CTNNA2: variants seen among roughly 807,000 people sequenced by gnomAD.
The protein encoded by CTNNA2 is catenin alpha 2, also known as catenin alpha-2.
A neutral mutation model predicts 101.0 loss-of-function variants in CTNNA2; 42 were observed. That is an observed-to-expected ratio of 0.42 (90% CI 0.32 to 0.54). The LOEUF is 0.54. Among genes scored for constraint, CTNNA2 ranks in the 20% least tolerant of loss-of-function variants. The pLI, the probability that CTNNA2 is intolerant of heterozygous loss-of-function variation, is 0.14. For missense variants in CTNNA2, 871 were observed against 1,223.1 expected (o/e 0.71, Z 4.29); for synonymous variants, 450 against 456.4 (o/e 0.99, Z 0.18).
chr2:79,658,206 G>C (rs543388033), intron 2 of CTNNA2, among the ~76,000 whole-genome samples: 15 of 151,996 alleles, frequency 9.9e-5, no homozygotes, highest in African/African-American at 3.1e-4. Context: ...TGGATGCATA[G>C]GCTTTAGAGT....
At chr2:79,805,366 A>G (rs942064947) in intron 3 of CTNNA2, among the ~76,000 whole-genome samples, 3 of 152,178 alleles carry the variant, frequency 2.0e-5, no homozygotes, top group Non-Finnish European at 4.4e-5. Context: ...TTTATACAAT[A>G]TTTTAAAATA....
chr2:80,253,459 G>A (rs115602297), intron 7 of CTNNA2, among the ~76,000 whole-genome samples: 1,622 of 152,082 alleles, frequency 0.011, 27 homozygotes, highest in African/African-American at 0.035. Context: ...GTGGAGCCTC[G>A]ACTCTCTAGT....
chr2:80,361,584 CA>C (rs1274714831), intron 7 of CTNNA2, among the ~76,000 whole-genome samples: 1 of 151,698 alleles, frequency 6.6e-6, no homozygotes, highest in African/African-American at 2.4e-5. Flanking sequence ...TACCAGTTCC[CA>C]AAAAAAGGAC....
chr2:79,619,041 C>T lies in CTNNA2; in HGVS notation c.-5-32511C>T, dbSNP rs151092382. Among the ~76,000 whole-genome samples, 682 of 152,050 alleles carry T rather than the reference C, an allele frequency of 4.5e-3. 3 individuals are homozygous for T. The highest frequency in any genetic ancestry group is 0.015 in the African/African-American group (637 of 41,482). ...GCCAATATGGTGAAACCCAGTCTCT[C>T]CAAAAAATACGAAAATTAGCTGGGC... On this transcript the variant is annotated intron_variant, in intron 1 of 18. Transcript: ENST00000402739.
intron 7 of CTNNA2, among the ~76,000 whole-genome samples, chr2:80,234,368 A>G (rs190767548): frequency 1.3e-4 from 20 of 152,222 alleles, no homozygotes; most frequent in African/African-American, 4.8e-4. Flanking sequence ...GTTAGAAGGT[A>G]TTAATCTTCG....
chr2:79,581,278 C>A (rs530919084), intron 1 of CTNNA2, among the ~76,000 whole-genome samples: 7 of 152,294 alleles, frequency 4.6e-5, no homozygotes, highest in African/African-American at 1.7e-4. Flanking sequence ...TTAATCCCAG[C>A]ACTTTGGGAG....
intron 7 of CTNNA2, among the ~76,000 whole-genome samples, chr2:80,182,512 A>G (rs1705846805): frequency 6.6e-6 from 1 of 152,234 alleles, no homozygotes; most frequent in South Asian, 2.1e-4. Context: ...GACACTCAAC[A>G]TTAATCATCA....
intron 11 of CTNNA2, among the ~76,000 whole-genome samples, chr2:80,548,897 A>C (rs1382142881): frequency 6.6e-6 from 1 of 152,214 alleles, no homozygotes; most frequent in Non-Finnish European, 1.5e-5. Flanking sequence ...TATTTTATGT[A>C]TCAGTTTCTT....
At chr2:79,954,793 G>T (rs1327492029) in intron 7 of CTNNA2, among the ~76,000 whole-genome samples, 2 of 152,116 alleles carry the variant, frequency 1.3e-5, no homozygotes, top group African/African-American at 4.8e-5. Context: ...ATTTTGATTA[G>T]ACCTGTGGGT....
intron 2 of CTNNA2, among the ~76,000 whole-genome samples, chr2:79,726,778 T>C (rs1249634447): frequency 6.6e-6 from 1 of 152,248 alleles, no homozygotes; most frequent in African/African-American, 2.4e-5. Context: ...GGTAGAGAGA[T>C]TCTATCTGCC....
At chr2:79,424,037 G>T (rs549217769) in intron 4 of CTNNA2, among the ~76,000 whole-genome samples, 1 of 152,050 alleles carries the variant, frequency 6.6e-6, no homozygotes, top group Admixed American at 6.6e-5. Flanking sequence ...ATAATAAGTT[G>T]TTTCTCTAGC....
intron 4 of CTNNA2, among the ~76,000 whole-genome samples, chr2:79,462,563 A>G (rs1308813634): frequency 6.6e-6 from 1 of 152,352 alleles, no homozygotes; most frequent in East Asian, 1.9e-4. Context: ...TATACGACAC[A>G]AAAAAGCAAC....
At chr2:80,007,746 A>G (rs901340475) in intron 7 of CTNNA2, among the ~76,000 whole-genome samples, 4 of 152,194 alleles carry the variant, frequency 2.6e-5, no homozygotes, top group African/African-American at 9.7e-5. Flanking sequence ...GCCAGAAGTG[A>G]GAGAAGGGGT....
intron 4 of CTNNA2, among the ~76,000 whole-genome samples, chr2:79,381,379 A>C (rs539232236): frequency 6.6e-6 from 1 of 152,324 alleles, no homozygotes; most frequent in African/African-American, 2.4e-5. Context: ...CAGTCACTGA[A>C]AAAATTTTTA....
At chr2:80,315,106 A>C (rs561830711) in intron 7 of CTNNA2, among the ~76,000 whole-genome samples, 7 of 152,230 alleles carry the variant, frequency 4.6e-5, no homozygotes, top group Non-Finnish European at 1.0e-4. Flanking sequence ...AATTTCTACT[A>C]TGCCAGGGCA....
chr2:80,446,888 C>T (rs1002934204), intron 9 of CTNNA2, among the ~76,000 whole-genome samples: 1 of 151,762 alleles, frequency 6.6e-6, no homozygotes, highest in Non-Finnish European at 1.5e-5. Context: ...ATAATTTTCT[C>T]CTTAGGGTTT....
intron 7 of CTNNA2, among the ~76,000 whole-genome samples, chr2:80,158,037 A>G (rs1704088009): frequency 6.6e-6 from 1 of 152,198 alleles, no homozygotes; most frequent in Non-Finnish European, 1.5e-5. Context: ...TATGAAACTG[A>G]TCAATTAGGT....
At chr2:80,372,655 T>C (rs1394511840) in intron 7 of CTNNA2, among the ~76,000 whole-genome samples, 3 of 151,968 alleles carry the variant, frequency 2.0e-5, no homozygotes, top group Non-Finnish European at 4.4e-5. Flanking sequence ...ATTGTCTTCA[T>C]TTCATATCTC....
intron 4 of CTNNA2, among the ~76,000 whole-genome samples, chr2:79,475,830 G>A (rs1279035004): frequency 6.6e-6 from 1 of 151,782 alleles, no homozygotes; most frequent in Admixed American, 6.6e-5. Context: ...TATTATGCTT[G>A]GTAATACTCA....
Sources: allele counts gnomAD v4.1 joint callset (sites outside exome capture counted in the v4.1 genomes callset), GRCh38; gene constraint gnomAD v4.1.1; transcripts MANE v1.5; gene names NCBI Gene and HGNC (gene_info 2026-07-23, HGNC 2026-07-21).